The following XRN2 variants were observed in gnomAD, a reference collection of about 807,000 sequenced individuals.
XRN2 encodes DHM1-like protein.
A neutral mutation model predicts 138.5 loss-of-function variants in XRN2; 44 were observed. That is an observed-to-expected ratio of 0.32 (90% CI 0.25 to 0.41). XRN2 has a LOEUF of 0.41. Among genes scored for constraint, XRN2 ranks in the 10% least tolerant of loss-of-function variants. The probability of loss-of-function intolerance (pLI) is 1.00; values close to 1 mark genes in which losing one functional copy is unlikely to be tolerated. For missense variants in XRN2, 937 were observed against 1,169.3 expected, an observed-to-expected ratio of 0.80 and a Z score of 2.90; for synonymous variants, 354 against 369.4, an observed-to-expected ratio of 0.96 and a Z score of 0.48.
intron 27 of XRN2, among the ~76,000 whole-genome samples, chr20:21,378,975 C>G (rs1170612187): frequency 6.6e-6 from 1 of 152,164 alleles, no homozygotes; most frequent in African/African-American, 2.4e-5. Context: ...GTTTCTGTAG[C>G]CCAGAGAACC....
intron 5 of XRN2, 32 bp from the exon 6 acceptor site, chr20:21,330,584 A>G (rs1158487947): frequency 6.2e-7 from 1 of 1,613,594 alleles, no homozygotes. Context: ...CTCTTAAATG[A>G]TAGGTTAATT....
chr20:21,379,349 A>G (rs1396482098), intron 27 of XRN2, among the ~76,000 whole-genome samples: 1 of 152,214 alleles, frequency 6.6e-6, no homozygotes, highest in African/African-American at 2.4e-5. Flanking sequence ...TCAGCCAGGA[A>G]ATACTTCTGC....
chr20:21,303,566 G>C (rs2037768982), intron 1 of XRN2, 93 bp downstream of exon 1: 2 of 1,411,932 alleles, frequency 1.4e-6, no homozygotes, highest in African/African-American at 3.1e-5. Flanking sequence ...CCCCCGGGGA[G>C]CCTTGCCGGA....
At position 21,331,779 on chromosome 20, in the gene XRN2, C is replaced by T. The variant is rs1225804718; in HGVS notation, c.661C>T (p.His221Tyr). 6.2e-7 allele frequency: 1 copy of T among 1,608,750 alleles called. No homozygotes were observed. Among genetic ancestry groups the T allele is most frequent in the South Asian group, 1.1e-5 (1 of 89,322 alleles). Reference sequence around the variant, plus strand: ...TCTCTCTTGTTTAGCCCAGCCTAACCATGACCCAAATACTCATCATTGTTT... The same window carrying T: ...TCTCTCTTGTTTAGCCCAGCCTAACTATGACCCAAATACTCATCATTGTTT... ...YIRRQRAQPN[H>Y]DPNTHHCLCG... Residue 221 changes from histidine (H) to tyrosine (Y), a missense_variant, in exon 8 of 30, where the codon CAT becomes TAT. His to Tyr is a moderately conservative substitution (Grantham distance 83, BLOSUM62 2). Coordinates refer to ENST00000377191, the MANE Select transcript of XRN2 (RefSeq NM_012255.5).
At chr20:21,376,382 A>G (rs557008259) in intron 27 of XRN2, among the ~76,000 whole-genome samples, 26 of 152,296 alleles carry the variant, frequency 1.7e-4, no homozygotes, top group Admixed American at 4.6e-4. Flanking sequence ...AGTTCTTGCT[A>G]ATTTGATAAG....
In XRN2 at chr20:21,330,528, T is replaced by G; in HGVS notation, c.475T>G (p.Cys159Gly). The G allele has an allele frequency of 6.2e-7, 1 of 1,613,942 alleles. No individual in the cohort carries two copies. The highest frequency in any genetic ancestry group is 8.5e-7 in the Non-Finnish European group (1 of 1,179,952). ...EEIKERFDSNCITPGTEFMDN... is the reference protein window; with the variant it reads ...EEIKERFDSNGITPGTEFMDN... ...AATAAAAGAAAGATTTGACAGCAACTGTATTACACCAGTAAGTAGTCTCAT... is the reference window on the plus strand; with the variant it reads ...AATAAAAGAAAGATTTGACAGCAACGGTATTACACCAGTAAGTAGTCTCAT... The change falls in exon 5 of 30, where the codon TGT becomes GGT. Residue 159 changes from cysteine to glycine, a missense_variant. By Grantham distance (159) the Cys-to-Gly change is radical. This residue lies in a region of XRN2 where 471 missense variants were observed against 581.2 expected (regional missense o/e 0.81). Coordinates refer to ENST00000377191, the MANE Select transcript of XRN2 (RefSeq NM_012255.5).
Position 21,382,032 on chromosome 20 carries a change from C to G in XRN2, c.2623C>G (p.Leu875Val). 1.2e-6 allele frequency: 2 copies of G among 1,601,942 alleles called. No homozygotes were observed. Among genetic ancestry groups the G allele is most frequent in the South Asian group, 1.1e-5 (1 of 89,788 alleles). Residue 875 changes from leucine (L) to valine (V), a missense_variant, in exon 28 of 30, where the codon CTT becomes GTT. Leu to Val is a conservative substitution (Grantham distance 32, BLOSUM62 1). Coordinates refer to ENST00000377191, the MANE Select transcript of XRN2 (RefSeq NM_012255.5). ...GGATTCCTGGCGAGGTCCTCCTCCC[C>G]TTTTCCAGCAGCAAAGGTTTGACAG... ...PQDSWRGPPP[L>V]FQQQRFDRGV...
intron 9 of XRN2, among the ~76,000 whole-genome samples, 182 bp downstream of exon 9, chr20:21,332,622 G>A (rs566194004): frequency 1.4e-4 from 22 of 152,132 alleles, no homozygotes; most frequent in African/African-American, 5.1e-4. Flanking sequence ...TTCTTTATGT[G>A]CTTGTTCTGT....
At chr20:21,352,352 G>C (rs1044080413) in intron 20 of XRN2, among the ~76,000 whole-genome samples, 1 of 151,458 alleles carries the variant, frequency 6.6e-6, no homozygotes, top group African/African-American at 2.4e-5. Context: ...TTTAAAGACA[G>C]AGTCTCACTC....
At chr20:21,334,881 A>G (rs2038264057) in intron 13 of XRN2, among the ~76,000 whole-genome samples, 1 of 152,124 alleles carries the variant, frequency 6.6e-6, no homozygotes, top group Non-Finnish European at 1.5e-5. Context: ...GAGAGGAGAA[A>G]AGTCCATTAA....
At position 21,326,621 on chromosome 20, in the gene XRN2, GA is replaced by G. The variant is rs2038132278; in HGVS notation, c.315+22del. ...GGAGTGGTAAGTGCTAAAATAATTA[GA>G]AGCCTCCATTTTGTTTTTTTTTGCT... On this transcript the variant is annotated intron_variant, in intron 3 of 29. Transcript: ENST00000377191. 1 of 1,582,918 alleles carries G rather than the reference GA, an allele frequency of 6.3e-7. No individual in the cohort carries two copies. The highest frequency in any genetic ancestry group is 1.4e-5 in the African/African-American group (1 of 73,158).
intron 1 of XRN2, among the ~76,000 whole-genome samples, chr20:21,311,077 G>A (rs1031805670): frequency 3.9e-5 from 6 of 152,138 alleles, no homozygotes; most frequent in African/African-American, 1.4e-4. Flanking sequence ...TACAGTTTGA[G>A]AATCTCTGCC....
intron 1 of XRN2, among the ~76,000 whole-genome samples, chr20:21,311,870 C>T (rs547649037): frequency 1.3e-5 from 2 of 152,124 alleles, no homozygotes; most frequent in East Asian, 3.9e-4. Context: ...TGGTACAACA[C>T]CTATAAACCC....
At chr20:21,312,562 T>C (rs2037896214) in intron 1 of XRN2, among the ~76,000 whole-genome samples, 1 of 151,732 alleles carries the variant, frequency 6.6e-6, no homozygotes, top group Non-Finnish European at 1.5e-5. Context: ...ATGCCTAAAC[T>C]CTAGAGAGCC....
chr20:21,371,230 G>C (rs1600714636), intron 27 of XRN2, among the ~76,000 whole-genome samples: 1 of 152,280 alleles, frequency 6.6e-6, no homozygotes, highest in Admixed American at 6.5e-5. Flanking sequence ...CAGAAGTCCA[G>C]ATTTTCTGGA....
chr20:21,382,103 A>G lies in XRN2; in HGVS notation c.2648+46A>G, dbSNP rs201622753. On this transcript the variant is annotated intron_variant, in intron 28 of 29. Transcript: ENST00000377191. ...GACTTTTAAATACTTTCTGACACCA[A>G]CATTTGGGGTTTATGGTTTTTATGG... is the stretch of plus-strand genomic sequence containing the variant. 1,154 of 1,543,060 alleles carry G rather than the reference A, an allele frequency of 7.5e-4. 4 individuals carry two copies. The highest frequency in any genetic ancestry group is 3.4e-3 in the Middle Eastern group (20 of 5,830).
At chr20:21,330,726 C>T (rs1490589941) in intron 6 of XRN2, 21 bp downstream of exon 6, 1 of 1,596,430 alleles carries the variant, frequency 6.3e-7, no homozygotes, top group Non-Finnish European at 8.6e-7. Context: ...CATTTTGATA[C>T]TTCAGAAAGA....
At chr20:21,350,246 G>GC (rs956408815) in intron 20 of XRN2, among the ~76,000 whole-genome samples, 3 of 152,056 alleles carry the variant, frequency 2.0e-5, no homozygotes, top group African/African-American at 7.2e-5. Flanking sequence ...AAATATCTTG[G>GC]CCGGGCGCAG....
At chr20:21,349,863 A>G (rs2038484362) in intron 20 of XRN2, among the ~76,000 whole-genome samples, 1 of 152,238 alleles carries the variant, frequency 6.6e-6, no homozygotes, top group Admixed American at 6.5e-5. Flanking sequence ...AAATTTAATT[A>G]TAACATTCTT....
Sources: allele counts gnomAD v4.1 joint callset (sites outside exome capture counted in the v4.1 genomes callset), GRCh38; gene constraint gnomAD v4.1.1; regional missense constraint gnomAD v4.1.1; transcripts MANE v1.5; gene names NCBI Gene and HGNC (gene_info 2026-07-23, HGNC 2026-07-21).